The following CDH13 variants were observed in gnomAD, a reference collection of about 807,000 sequenced individuals.
The protein encoded by CDH13 is cadherin-13.
CDH13 carries 24 observed loss-of-function variants against 63.8 expected under a neutral mutation model. That is an observed-to-expected ratio of 0.38 (90% CI 0.27 to 0.53). The LOEUF is 0.53. Ranked by LOEUF, CDH13 falls within the 20% of genes least tolerant of loss-of-function variation. CDH13 has a pLI of 0.85. For missense variants in CDH13, 1,049 were observed against 903.1 expected, an observed-to-expected ratio of 1.16 and a Z score of -2.07; for synonymous variants, 503 against 355.3, an observed-to-expected ratio of 1.42 and a Z score of -4.67.
intron 6 of CDH13, among the ~76,000 whole-genome samples, chr16:83,357,877 T>C (rs779685948): frequency 1.1e-4 from 17 of 152,164 alleles, no homozygotes; most frequent in Non-Finnish European, 2.2e-4. Context: ...GCAGGATCAA[T>C]GGACATGGAG....
At chr16:82,946,439 G>A (rs948584517) in intron 2 of CDH13, among the ~76,000 whole-genome samples, 1 of 152,074 alleles carries the variant, frequency 6.6e-6, no homozygotes, top group South Asian at 2.1e-4. Flanking sequence ...CTTCATTTAG[G>A]CCAGGTGTGG....
intron 2 of CDH13, among the ~76,000 whole-genome samples, chr16:82,947,981 TTC>T (rs1174704813): frequency 4.6e-5 from 7 of 152,226 alleles, no homozygotes; most frequent in Non-Finnish European, 1.0e-4. Flanking sequence ...CCATATTGAA[TTC>T]ATTTGGCATT....
chr16:83,210,254 G>T (rs550442337), intron 4 of CDH13, among the ~76,000 whole-genome samples: 3 of 151,286 alleles, frequency 2.0e-5, no homozygotes, highest in East Asian at 1.9e-4. Flanking sequence ...CAGTAGAGAC[G>T]GGGTCTCACC....
At chr16:83,535,288 C>T (rs1041920347) in intron 7 of CDH13, among the ~76,000 whole-genome samples, 1 of 152,188 alleles carries the variant, frequency 6.6e-6, no homozygotes, top group African/African-American at 2.4e-5. Context: ...AAATTAAGGA[C>T]TTGGGTCAGC....
At chr16:83,557,488 G>A (rs1598285046) in intron 7 of CDH13, among the ~76,000 whole-genome samples, 1 of 152,130 alleles carries the variant, frequency 6.6e-6, no homozygotes. Context: ...ACATGTTACT[G>A]ACATGTTACA....
At chr16:83,377,805 T>C (rs2091485476) in intron 6 of CDH13, among the ~76,000 whole-genome samples, 1 of 152,122 alleles carries the variant, frequency 6.6e-6, no homozygotes, top group South Asian at 2.1e-4. Context: ...GTGAGATTGG[T>C]CTTTGTTCTG....
chr16:83,396,254 A>G (rs925977884), intron 6 of CDH13, among the ~76,000 whole-genome samples: 1 of 152,154 alleles, frequency 6.6e-6, no homozygotes, highest in African/African-American at 2.4e-5. Flanking sequence ...GTTGAACATC[A>G]GTTTTGTGAG....
chr16:83,596,703 G>T (rs1339369391), intron 7 of CDH13, among the ~76,000 whole-genome samples: 1 of 152,152 alleles, frequency 6.6e-6, no homozygotes, highest in Non-Finnish European at 1.5e-5. Flanking sequence ...TAGGTCAGAG[G>T]CAAGTGGAAG....
intron 3 of CDH13, among the ~76,000 whole-genome samples, chr16:83,077,463 G>A (rs1390715610): frequency 6.6e-6 from 1 of 151,604 alleles, no homozygotes; most frequent in African/African-American, 2.4e-5. Flanking sequence ...AAAGTGCTGG[G>A]ATTACAGGTG....
At chr16:82,954,631 A>G (rs1312694027) in intron 2 of CDH13, 4 of 152,242 alleles carry the variant, frequency 2.6e-5, no homozygotes, top group South Asian at 2.1e-4. Context: ...TTATTGAGAT[A>G]TAATTCACAT....
intron 6 of CDH13, among the ~76,000 whole-genome samples, chr16:83,403,736 G>A (rs886958999): frequency 1.3e-5 from 2 of 152,144 alleles, no homozygotes; most frequent in Non-Finnish European, 2.9e-5. Flanking sequence ...CTTGGCCCCA[G>A]GACATCCTGT....
chr16:83,740,380 A>G (rs953760644), intron 10 of CDH13, among the ~76,000 whole-genome samples: 2 of 152,010 alleles, frequency 1.3e-5, no homozygotes. Flanking sequence ...GGTGCATTGC[A>G]GTGGTCTACA....
At chr16:83,079,776 A>G (rs960735557) in intron 3 of CDH13, among the ~76,000 whole-genome samples, 1 of 152,232 alleles carries the variant, frequency 6.6e-6, no homozygotes, top group Non-Finnish European at 1.5e-5. Context: ...GTTTTTGAGA[A>G]CATGATTTTA....
intron 1 of CDH13, among the ~76,000 whole-genome samples, chr16:82,842,718 A>G (rs901260609): frequency 1.0e-5 from 1 of 96,304 alleles, no homozygotes. Context: ...TTCTATTATT[A>G]TTACCTTATA....
intron 5 of CDH13, among the ~76,000 whole-genome samples, chr16:83,252,412 A>C (rs1319836082): frequency 6.6e-6 from 1 of 152,114 alleles, no homozygotes; most frequent in Non-Finnish European, 1.5e-5. Flanking sequence ...CAAATGGGGA[A>C]AATAAGATTT....
chr16:83,569,078 C>T (rs113149681), intron 7 of CDH13, among the ~76,000 whole-genome samples: 1,532 of 152,218 alleles, frequency 0.01, 11 homozygotes, highest in Non-Finnish European at 0.015. Context: ...CCTTTCCCTC[C>T]TTCTGAACAC....
intron 4 of CDH13, among the ~76,000 whole-genome samples, chr16:83,174,745 C>T (rs1365192638): frequency 6.6e-6 from 1 of 152,140 alleles, no homozygotes; most frequent in African/African-American, 2.4e-5. Context: ...TTCCTTGACT[C>T]ACATTTCTAC....
chr16:83,213,505 G>A lies in CDH13; in HGVS notation c.484-3840G>A, dbSNP rs7500581. ...GTCAAGAAAAGATAACTAACAGCCC[G>A]GAAGGCTTTTCCTGGCAGGTCTTCA... On this transcript the variant is annotated intron_variant, in intron 4 of 13. Coordinates refer to ENST00000567109, the MANE Select transcript of CDH13 (RefSeq NM_001257.5). 4.7e-3 allele frequency among the ~76,000 whole-genome samples: 709 copies of A among 152,196 alleles called. 3 individuals carry two copies. Among genetic ancestry groups the A allele is most frequent in the Non-Finnish European group, 6.7e-3 (457 of 68,002 alleles).
At chr16:83,291,325 G>A (rs919101282) in intron 5 of CDH13, among the ~76,000 whole-genome samples, 4 of 152,050 alleles carry the variant, frequency 2.6e-5, no homozygotes, top group African/African-American at 9.7e-5. Flanking sequence ...CTTCCAGGGA[G>A]AATTGTCGCT....
Sources: gnomAD v4.1 joint callset for allele counts (sites outside exome capture counted in the v4.1 genomes callset) on GRCh38, gnomAD v4.1.1 for gene constraint, MANE v1.5 for transcripts, NCBI Gene and HGNC (gene_info 2026-07-23, HGNC 2026-07-21) for gene names.